Variants in ATL2 observed in about 807,000 individuals in gnomAD.
The protein encoded by ATL2 is atlastin GTPase 2.
In ATL2, 31 loss-of-function variants were observed where a neutral mutation model predicts 73.9. The ratio of observed to expected loss-of-function variants is 0.42; its 90% CI spans 0.32 to 0.57. The LOEUF (loss-of-function observed/expected upper bound fraction) is 0.57. Among genes scored for constraint, ATL2 ranks in the 20% least tolerant of loss-of-function variants. ATL2 has a pLI of 0.14. For synonymous variants in ATL2, 291 were observed against 237.5 expected, an observed-to-expected ratio of 1.23 and a Z score of -2.07; for missense variants, 738 against 702.6, an observed-to-expected ratio of 1.05 and a Z score of -0.57.
intron 1 of ATL2, among the ~76,000 whole-genome samples, chr2:38,348,329 G>A (rs1670143280): frequency 6.6e-6 from 1 of 151,864 alleles, no homozygotes; most frequent in Non-Finnish European, 1.5e-5. Flanking sequence ...AGCCAGGAGT[G>A]GTGTTGCTTG....
intron 2 of ATL2, among the ~76,000 whole-genome samples, chr2:38,325,143 G>A (rs986457623): frequency 6.6e-6 from 1 of 152,236 alleles, no homozygotes; most frequent in African/African-American, 2.4e-5. Context: ...TGACTTTAGA[G>A]TCTTCCATTG....
At chr2:38,306,657 C>T (rs1024487238) in intron 9 of ATL2, among the ~76,000 whole-genome samples, 7 of 152,156 alleles carry the variant, frequency 4.6e-5, no homozygotes, top group African/African-American at 1.7e-4. Context: ...AACCATATGA[C>T]CATTTCAATT....
At position 38,299,470 on chromosome 2, in the gene ATL2, G is replaced by T. The variant is rs1246482992; in HGVS notation, c.1129-143C>A. On this transcript the variant is annotated intron_variant, in intron 10 of 12. Coordinates refer to ENST00000378954, the MANE Select transcript of ATL2 (RefSeq NM_001135673.4). ...TTCCAGTTTTTCTTTCCTATGCAAG[G>T]GAACGTTGGTATAAAGGATATAATG... is the stretch of plus-strand genomic sequence containing the variant. The T allele has an allele frequency of 3.7e-6, 3 of 819,272 alleles. No individual in the cohort carries two copies. In the African/African-American group the frequency reaches 5.5e-5, roughly 15 times the overall value. The allele number at this position is 819,272 out of a possible 1,614,324, so 50.8% of individuals were successfully genotyped here.
intron 1 of ATL2, among the ~76,000 whole-genome samples, chr2:38,346,937 C>G (rs1421478245): frequency 6.6e-6 from 1 of 152,160 alleles, no homozygotes; most frequent in Non-Finnish European, 1.5e-5. Context: ...TTTGTTGTTT[C>G]CTAATAAATT....
chr2:38,318,476 A>G (rs1668145638), intron 4 of ATL2, 59 bp downstream of exon 4: 1 of 1,346,100 alleles, frequency 7.4e-7, no homozygotes, highest in Non-Finnish European at 1.0e-6. Context: ...CAAAAAAGAA[A>G]AAAAAAAGGG....
chr2:38,296,545 G>A (rs781332270), intron 12 of ATL2: 7 of 1,614,068 alleles, frequency 4.3e-6, no homozygotes, highest in Middle Eastern at 1.6e-4. Flanking sequence ...GAAAGAGCAC[G>A]GTGAACCATT....
upstream of ATL2, chr2:38,377,406 C>T: frequency 1.5e-6 from 1 of 651,000 alleles, no homozygotes; most frequent in Non-Finnish European, 2.5e-6. Flanking sequence ...TCTCCTCGCC[C>T]TCCGCCTGTA....
At chr2:38,377,741 T>G (rs78357015), upstream of ATL2, among the ~76,000 whole-genome samples, 40 of 141,802 alleles carry the variant, frequency 2.8e-4, no homozygotes, top group African/African-American at 8.4e-4. Context: ...CATCGCCCCC[T>G]CCTCATCACA....
intron 2 of ATL2, among the ~76,000 whole-genome samples, chr2:38,338,197 T>G (rs1669483688): frequency 6.6e-6 from 1 of 152,100 alleles, no homozygotes; most frequent in Non-Finnish European, 1.5e-5. Flanking sequence ...CCTAAGCAAA[T>G]TAATGCAGGA....
chr2:38,331,674 G>C (rs780847585), intron 2 of ATL2, among the ~76,000 whole-genome samples: 1 of 149,348 alleles, frequency 6.7e-6, no homozygotes, highest in Non-Finnish European at 1.5e-5. Flanking sequence ...TGAGAGTCAA[G>C]AAATAAATTC....
intron 1 of ATL2, 85 bp from the exon 2 acceptor site, chr2:38,343,597 AAGT>A (rs1669855664): frequency 7.8e-7 from 1 of 1,284,706 alleles, no homozygotes; most frequent in African/African-American, 2.0e-5. Flanking sequence ...GCAAAATTTC[AAGT>A]AAGTAATTGC....
chr2:38,369,722 A>G lies in ATL2; in HGVS notation c.118+7421T>C, dbSNP rs1250580068. On this transcript the variant is annotated intron_variant, in intron 1 of 12. Coordinates refer to ENST00000378954, the MANE Select transcript of ATL2 (RefSeq NM_001135673.4). ...TTGAGACCCTATCTCAAAAATAAGT[A>G]CATAAATAAAAAATAAAAATTAAAG... 2.6e-5 allele frequency among the ~76,000 whole-genome samples: 4 copies of G among 152,252 alleles called. No individual in the cohort carries two copies. In the East Asian group the frequency reaches 7.7e-4, roughly 29 times the overall value.
rs372875847 is a variant in ATL2 at position 38,327,163 on chromosome 2, T to C, written c.364-8144A>G. 4.3e-4 allele frequency among the ~76,000 whole-genome samples: 66 copies of C among 152,000 alleles called. 3 individuals are homozygous for C. In the South Asian group the frequency reaches 7.7e-3, roughly 18 times the overall value. Reference sequence around the variant, plus strand: ...AAAAACCAAGGAATGTTGTCGCCAATACGTCAGCAAAAAGGAAAATGATAT... The same window carrying C: ...AAAAACCAAGGAATGTTGTCGCCAACACGTCAGCAAAAAGGAAAATGATAT... On this transcript the variant is annotated intron_variant, in intron 2 of 12. Transcript: ENST00000378954.
At chr2:38,377,546 C>T (rs745755534), upstream of ATL2, among the ~76,000 whole-genome samples, 62 of 152,142 alleles carry the variant, frequency 4.1e-4, no homozygotes, top group Non-Finnish European at 8.7e-4. Flanking sequence ...TCCCTGCCGC[C>T]GCCGTCTCAC....
chr2:38,300,098 CA>C (rs750133609), intron 10 of ATL2, among the ~76,000 whole-genome samples, 173 bp downstream of exon 10: 4 of 148,864 alleles, frequency 2.7e-5, no homozygotes, highest in Non-Finnish European at 3.0e-5. Flanking sequence ...TCTGCAGTTA[CA>C]AAAAAAAAAT....
Position 38,323,266 on chromosome 2 carries a change from C to T in ATL2, c.364-4247G>A, listed in dbSNP as rs183041896. On this transcript the variant is annotated intron_variant, in intron 2 of 12. Transcript: ENST00000378954. ...GAAATGCAAAAGTAATCCTATTCCA[C>T]CAGACATATAAAGTAAATAGGAAAA... Among the ~76,000 whole-genome samples, 425 of 151,128 alleles carry T rather than the reference C, an allele frequency of 2.8e-3. 4 individuals carry two copies. Among genetic ancestry groups the T allele is most frequent in the African/African-American group, 8.7e-3 (359 of 41,136 alleles).
intron 9 of ATL2, among the ~76,000 whole-genome samples, chr2:38,301,421 C>T (rs1222811761): frequency 6.6e-6 from 1 of 152,210 alleles, no homozygotes; most frequent in Non-Finnish European, 1.5e-5. Context: ...AACCAAAAAT[C>T]AGGTGAGCAA....
At chr2:38,365,176 CACACACACACACAAAT>C (rs1157711430) in intron 1 of ATL2, among the ~76,000 whole-genome samples, 12 of 138,434 alleles carry the variant, frequency 8.7e-5, no homozygotes, top group Non-Finnish European at 1.3e-4. Context: ...AATACACACA[CACACACACACACAAAT>C]ACACACACAC....
chr2:38,377,778 A>AC (rs1013012009), upstream of ATL2, among the ~76,000 whole-genome samples: 2 of 48,780 alleles, frequency 4.1e-5, no homozygotes, highest in Non-Finnish European at 8.5e-5. Flanking sequence ...CTCCCCATCC[A>AC]CCCCCCAAGT....
Sources: allele counts gnomAD v4.1 joint callset (sites outside exome capture counted in the v4.1 genomes callset), GRCh38; gene constraint gnomAD v4.1.1; transcripts MANE v1.5; gene names NCBI Gene and HGNC (gene_info 2026-07-23, HGNC 2026-07-21).